The following AUTS2 variants were observed in gnomAD, a reference collection of about 807,000 sequenced individuals.
AUTS2 encodes the protein activator of transcription and developmental regulator AUTS2.
Under a neutral mutation model 112.4 loss-of-function variants are expected in AUTS2, and 17 were observed. The observed-to-expected ratio is 0.15, with a 90% confidence interval of 0.10 to 0.23. The LOEUF is 0.23. Among genes scored for constraint, AUTS2 ranks in the 10% least tolerant of loss-of-function variants. AUTS2 has a pLI of 1.00. For synonymous variants in AUTS2, 751 were observed against 702.7 expected, an observed-to-expected ratio of 1.07 and a Z score of -1.09; for missense variants, 1,510 against 1,701.6, an observed-to-expected ratio of 0.89 and a Z score of 1.98.
chr7:70,791,985 T>C lies in AUTS2; in HGVS notation c.*989T>C, dbSNP rs1207149440. 6.6e-6 allele frequency: 1 copy of C among 152,646 alleles called. No homozygotes were observed. The highest frequency in any genetic ancestry group is 2.4e-5 in the African/African-American group (1 of 41,450). 9.5% of individuals were successfully genotyped at this position (152,646 alleles called of 1,614,324 possible). The stretch of plus-strand genomic sequence containing the variant: ...ACACCTCATGTGAGAACCATGCCTT[T>C]TTTAGTGTGTCCTATTTCATACCTG... On this transcript the variant is annotated 3_prime_UTR_variant, in exon 19 of 19. Coordinates refer to ENST00000342771, the MANE Select transcript of AUTS2 (RefSeq NM_015570.4).
chr7:69,976,813 G>T (rs964003468), intron 2 of AUTS2, among the ~76,000 whole-genome samples: 1 of 152,086 alleles, frequency 6.6e-6, no homozygotes, highest in Non-Finnish European at 1.5e-5. Flanking sequence ...TTTGGTTGCA[G>T]AAGTTCTTTA....
At chr7:70,588,518 G>A (rs900895386) in intron 5 of AUTS2, among the ~76,000 whole-genome samples, 1 of 152,214 alleles carries the variant, frequency 6.6e-6, no homozygotes, top group Non-Finnish European at 1.5e-5. Context: ...TGGACCTTAT[G>A]TTTCCAGCAA....
intron 1 of AUTS2, among the ~76,000 whole-genome samples, chr7:69,803,809 T>A (rs1451718836): frequency 6.6e-6 from 1 of 152,172 alleles, no homozygotes; most frequent in Non-Finnish European, 1.5e-5. Context: ...GCAGGAGGAT[T>A]GCTTGATTCT....
intron 4 of AUTS2, among the ~76,000 whole-genome samples, chr7:70,321,862 G>A (rs974353625): frequency 2.0e-5 from 3 of 152,034 alleles, no homozygotes; most frequent in African/African-American, 7.2e-5. Flanking sequence ...TATGAAGCAT[G>A]TTGATAATGA....
intron 5 of AUTS2, among the ~76,000 whole-genome samples, chr7:70,606,841 G>A (rs192811787): frequency 2.0e-4 from 30 of 146,952 alleles, no homozygotes; most frequent in Middle Eastern, 3.5e-3. Context: ...CAGCCTGGGC[G>A]ACAAGCGAGA....
chr7:70,163,360 A>AGGGGGGGGGGGGGGGG (rs1562753323), intron 4 of AUTS2, among the ~76,000 whole-genome samples: 3 of 2,462 alleles, frequency 1.2e-3, no homozygotes, highest in Non-Finnish European at 2.2e-3. Context: ...GGGGGGGGGC[A>AGGGGGGGGGGGGGGGG]GAGGGGGAGG....
At chr7:70,034,906 A>G (rs1011757725) in intron 2 of AUTS2, among the ~76,000 whole-genome samples, 1 of 152,128 alleles carries the variant, frequency 6.6e-6, no homozygotes, top group Non-Finnish European at 1.5e-5. Flanking sequence ...ATTACAGCTC[A>G]GTACAGCCTG....
intron 1 of AUTS2, among the ~76,000 whole-genome samples, chr7:69,741,736 C>T (rs369691825): frequency 1.9e-4 from 29 of 151,578 alleles, no homozygotes; most frequent in African/African-American, 6.3e-4. Context: ...GCCTAACCAC[C>T]TTGGATAATA....
chr7:70,339,385 A>G (rs1562891501), intron 4 of AUTS2, among the ~76,000 whole-genome samples: 1 of 152,208 alleles, frequency 6.6e-6, no homozygotes, highest in Non-Finnish European at 1.5e-5. Context: ...GTTATCCAAA[A>G]CAACGTGCTA....
intron 1 of AUTS2, among the ~76,000 whole-genome samples, chr7:69,654,502 A>C (rs1451678075): frequency 6.6e-6 from 1 of 152,164 alleles, no homozygotes; most frequent in Non-Finnish European, 1.5e-5. Flanking sequence ...CAGCCCAGTA[A>C]AGTTTATGTA....
chr7:70,776,942 C>T (rs867785174), intron 13 of AUTS2, 161 bp from the exon 14 acceptor site: 7 of 690,468 alleles, frequency 1.0e-5, no homozygotes, highest in African/African-American at 1.8e-5. Context: ...TATGACTGGG[C>T]GCTGGAGAGC....
At chr7:69,657,077 T>C (rs1359872483) in intron 1 of AUTS2, among the ~76,000 whole-genome samples, 1 of 152,210 alleles carries the variant, frequency 6.6e-6, no homozygotes, top group East Asian at 1.9e-4. Context: ...CTTGCTTTAA[T>C]TAAATACACA....
chr7:70,044,602 G>A (rs916464630), intron 2 of AUTS2, among the ~76,000 whole-genome samples: 1 of 152,140 alleles, frequency 6.6e-6, no homozygotes, highest in Non-Finnish European at 1.5e-5. Flanking sequence ...ATTATAGGGT[G>A]GTAGGGTTAA....
rs540610914 is a variant in AUTS2, at chr7:70,591,384, C to G, written c.691-107185C>G. 4.6e-3 allele frequency among the ~76,000 whole-genome samples: 687 copies of G among 150,378 alleles called. 5 individuals carry two copies. The highest frequency in any genetic ancestry group is 0.015 in the African/African-American group (625 of 40,754). On this transcript the variant is annotated intron_variant, in intron 5 of 18. Transcript: ENST00000342771. ...GTTCCTAGCAACGGGTTTACCCAGT[C>G]TTTGTTTGTTTGTTTGTTTGTTTGT... is the stretch of plus-strand genomic sequence containing the variant.
chr7:70,334,695 A>G (rs1469680272), intron 4 of AUTS2, among the ~76,000 whole-genome samples: 3 of 152,118 alleles, frequency 2.0e-5, no homozygotes, highest in Non-Finnish European at 4.4e-5. Flanking sequence ...ATTGACTTTC[A>G]TGTCCCTCTA....
At chr7:70,065,121 C>G (rs1802428103) in intron 2 of AUTS2, among the ~76,000 whole-genome samples, 1 of 152,148 alleles carries the variant, frequency 6.6e-6, no homozygotes, top group Non-Finnish European at 1.5e-5. Context: ...AACACAGCAT[C>G]TGAACAAATC....
intron 4 of AUTS2, among the ~76,000 whole-genome samples, chr7:70,299,777 G>T (rs963230958): frequency 2.0e-5 from 3 of 151,660 alleles, no homozygotes; most frequent in Non-Finnish European, 4.4e-5. Flanking sequence ...CTATAGAATC[G>T]GTATGTCCCA....
intron 12 of AUTS2, 100 bp downstream of exon 12, chr7:70,774,199 C>T (rs537253681): frequency 8.3e-6 from 9 of 1,087,208 alleles, no homozygotes; most frequent in South Asian, 4.0e-5. Flanking sequence ...CTCCTTTGAG[C>T]GAGCTGCTGT....
intron 5 of AUTS2, among the ~76,000 whole-genome samples, chr7:70,640,440 A>AAAC (rs1805760648): frequency 6.6e-6 from 1 of 151,202 alleles, no homozygotes; most frequent in Non-Finnish European, 1.5e-5. Context: ...AAAAAAAAAA[A>AAAC]AACCATAAAA....
Sources: allele counts gnomAD v4.1 joint callset (sites outside exome capture counted in the v4.1 genomes callset), GRCh38; gene constraint gnomAD v4.1.1; transcripts MANE v1.5; gene names NCBI Gene and HGNC (gene_info 2026-07-23, HGNC 2026-07-21).